The following PRPF8 variants were observed in gnomAD, a reference collection of about 807,000 sequenced individuals.
PRPF8 encodes pre-mRNA processing factor 8, also known as pre-mRNA-processing-splicing factor 8.
A neutral mutation model predicts 285.9 loss-of-function variants in PRPF8; 64 were observed. That is an observed-to-expected ratio of 0.22 (90% CI 0.18 to 0.28). The LOEUF is 0.28. Ranked by LOEUF, PRPF8 falls within the 10% of genes least tolerant of loss-of-function variation. The probability of loss-of-function intolerance (pLI) is 1.00; values close to 1 mark genes in which losing one functional copy is unlikely to be tolerated. For missense variants in PRPF8, 1,426 were observed against 3,026.7 expected (o/e 0.47, Z 12.41); for synonymous variants, 1,325 against 1,118.2 (o/e 1.18, Z -3.69).
At chr17:1,677,406 C>A in intron 14 of PRPF8, 159 bp downstream of exon 14, 1 of 1,172,236 alleles carries the variant, frequency 8.5e-7, no homozygotes. Flanking sequence ...CAGAAGGAAG[C>A]CCAAGAAATA....
intron 24 of PRPF8, among the ~76,000 whole-genome samples, chr17:1,666,316 AG>A (rs933914955): frequency 2.6e-5 from 4 of 152,154 alleles, no homozygotes; most frequent in Non-Finnish European, 4.4e-5. Context: ...TTGGGAGCCC[AG>A]GGGGGTGGAT....
At chr17:1,674,717 C>T in intron 20 of PRPF8, 37 bp from the exon 21 acceptor site, 4 of 1,589,504 alleles carry the variant, frequency 2.5e-6, no homozygotes, top group Non-Finnish European at 3.5e-6. Context: ...AGAATGTGAG[C>T]CATGCCCCAG....
In PRPF8 at chr17:1,679,352, G is replaced by A; in HGVS notation, c.1348C>T (p.Leu450=). 2 of 1,614,038 alleles carry A rather than the reference G, an allele frequency of 1.2e-6. No homozygotes were observed. Among genetic ancestry groups the A allele is most frequent in the Non-Finnish European group, 1.7e-6 (2 of 1,180,030 alleles). ...GCATTCAGCACATAGTACTTAAGCA[G>A]CTTCTGGTAGGAGACCCTCACTTTC... ...PVKVRVSYQK[L]LKYYVLNALK... is the part of the protein sequence containing the mutation. The change falls in exon 10 of 43, where the codon CTG becomes TTG. Residue 450 remains leucine, a synonymous_variant. Coordinates refer to ENST00000304992, the MANE Select transcript of PRPF8 (RefSeq NM_006445.4). This position sits in a 1 kb window ranked among gnomAD's most constrained non-coding sequence, Gnocchi z 4.7.
chr17:1,659,162 A>T lies in PRPF8; in HGVS notation c.5138+195T>A. 1.4e-6 allele frequency: 1 copy of T among 691,434 alleles called. No individual in the cohort carries two copies. The highest frequency in any genetic ancestry group is 1.6e-5 in the South Asian group (1 of 62,350). The allele number at this position is 691,434 out of a possible 1,614,324, so 42.8% of individuals were successfully genotyped here. ...CACCTCAACCTTCTGAGTAGCTGGG[A>T]CTACAGGCGTGGACCACCACGCCCA... On this transcript the variant is annotated intron_variant, in intron 32 of 42. Transcript: ENST00000304992. The surrounding 1 kb of genome is among the most constrained non-coding windows in gnomAD (Gnocchi z 5.1).
At chr17:1,654,933 G>A (rs1050459815) in intron 37 of PRPF8, 1 of 219,460 alleles carries the variant, frequency 4.6e-6, no homozygotes, top group Non-Finnish European at 9.1e-6. Context: ...GCCTGGCTAA[G>A]ACAAGATAAT....
chr17:1,658,274 C>T lies in PRPF8; in HGVS notation c.5484G>A (p.Ala1828=), dbSNP rs1218197105. Residue 1828 remains alanine, a synonymous_variant, in exon 34 of 43, where the codon GCG becomes GCA. Coordinates refer to ENST00000304992, the MANE Select transcript of PRPF8 (RefSeq NM_006445.4). This position sits in a 1 kb window ranked among gnomAD's most constrained non-coding sequence, Gnocchi z 4.1. ...FLKIIHTSVW[A]GQKRLGQLAK... ...TCACCTGCCCCAAACGCTTCTGTCCCGCCCACACGGACGTGTGGATTATCT... is the reference window on the plus strand; with the variant it reads ...TCACCTGCCCCAAACGCTTCTGTCCTGCCCACACGGACGTGTGGATTATCT... 11 of 1,614,080 alleles carry T rather than the reference C, an allele frequency of 6.8e-6. No homozygotes were observed. Among genetic ancestry groups the T allele is most frequent in the East Asian group, 4.5e-5 (2 of 44,902 alleles).
Position 1,656,830 on chromosome 17 carries a change from C to G in PRPF8, c.5506-69G>C, listed in dbSNP as rs1440301486. Reference sequence around the variant, plus strand: ...TCCCAGATCAACTAGAACAGAATATCCTAGTTTTGAAATAATCCAACTACG... The same window carrying G: ...TCCCAGATCAACTAGAACAGAATATGCTAGTTTTGAAATAATCCAACTACG... On this transcript the variant is annotated intron_variant, in intron 34 of 42. Coordinates refer to ENST00000304992, the MANE Select transcript of PRPF8 (RefSeq NM_006445.4). The G allele has an allele frequency of 2.3e-6, 3 of 1,326,096 alleles. No individual in the cohort carries two copies. The East Asian group carries it at 7.3e-5, about 32-fold the overall frequency. 82.1% of individuals were successfully genotyped at this position (1,326,096 alleles called of 1,614,324 possible).
intron 14 of PRPF8, 149 bp from the exon 15 acceptor site, chr17:1,677,321 G>A: frequency 1.0e-6 from 1 of 992,240 alleles, no homozygotes; most frequent in Admixed American, 1.9e-5. Flanking sequence ...AAAAAGACGA[G>A]CTACCTTAAA....
intron 37 of PRPF8, 111 bp from the exon 38 acceptor site, chr17:1,654,127 G>A (rs983654305): frequency 9.3e-6 from 14 of 1,506,434 alleles, no homozygotes; most frequent in Non-Finnish European, 1.3e-5. Flanking sequence ...TCACGCCCCA[G>A]ACAATCCACA....
Position 1,679,939 on chromosome 17 carries a change from G to T in PRPF8, c.1099-140C>A. On this transcript the variant is annotated intron_variant, in intron 8 of 42. Coordinates refer to ENST00000304992, the MANE Select transcript of PRPF8 (RefSeq NM_006445.4). The surrounding 1 kb of genome is among the most constrained non-coding windows in gnomAD (Gnocchi z 4.7). Reference sequence around the variant, plus strand: ...TGTCTGACAAAAGCAGCCCTGAAGTGCCAGCACAAAGGAAACCAAGACAGC... The same window carrying T: ...TGTCTGACAAAAGCAGCCCTGAAGTTCCAGCACAAAGGAAACCAAGACAGC... The T allele has an allele frequency of 2.0e-6, 2 of 1,004,600 alleles. No homozygotes were observed. Among genetic ancestry groups the T allele is most frequent in the Non-Finnish European group, 1.6e-6 (1 of 639,024 alleles). 62.2% of individuals were successfully genotyped at this position (1,004,600 alleles called of 1,614,324 possible).
chr17:1,683,646 C>T lies in PRPF8; in HGVS notation c.156G>A (p.Gly52=), dbSNP rs1291613363. Residue 52 remains glycine (G), a synonymous_variant, in exon 3 of 43, where the codon GGG becomes GGA. Transcript: ENST00000304992. ...TGTCTTCCTTCTGGGCATCCACAAACCCAAACTTCCGCTTTTCTGCATAGC... is the reference window on the plus strand; with the variant it reads ...TGTCTTCCTTCTGGGCATCCACAAATCCAAACTTCCGCTTTTCTGCATAGC... The part of the protein sequence containing the change: ...AKRYAEKRKF[G]FVDAQKEDMP... 1 of 1,614,052 alleles carries T rather than the reference C, an allele frequency of 6.2e-7. No individual in the cohort carries two copies. The highest frequency in any genetic ancestry group is 1.3e-5 in the African/African-American group (1 of 74,894).
At position 1,660,983 on chromosome 17, in the gene PRPF8, G is replaced by A; in HGVS notation, c.4508+10C>T. 1 of 1,613,662 alleles carries A rather than the reference G, an allele frequency of 6.2e-7. No individual in the cohort carries two copies. On this transcript the variant is annotated intron_variant, in intron 28 of 42. Coordinates refer to ENST00000304992, the MANE Select transcript of PRPF8 (RefSeq NM_006445.4). ...TGTGACAGGTCCCTCTAAGAGAGGA[G>A]AATCCTCACCAGAAAAGCCCCTCCC...
At chr17:1,669,620 A>G (rs1405306311) in intron 24 of PRPF8, among the ~76,000 whole-genome samples, 1 of 152,168 alleles carries the variant, frequency 6.6e-6, no homozygotes, top group Non-Finnish European at 1.5e-5. Context: ...TCTGGCTTCC[A>G]TCCCTACTAT....
At chr17:1,677,486 A>G in intron 14 of PRPF8, 79 bp downstream of exon 14, 1 of 1,599,246 alleles carries the variant, frequency 6.3e-7, no homozygotes, top group South Asian at 1.1e-5. Flanking sequence ...CTCATACAAG[A>G]GCAGGGAACA....
Position 1,676,864 on chromosome 17 carries a change from A to G in PRPF8, c.2181+112T>C, listed in dbSNP as rs1597246043. The G allele has an allele frequency of 4.7e-6, 7 of 1,503,354 alleles. No individual in the cohort carries two copies. Among genetic ancestry groups the G allele is most frequent in the Non-Finnish European group, 6.4e-6 (7 of 1,090,870 alleles). The allele number at this position is 1,503,354 out of a possible 1,614,324, so 93.1% of individuals were successfully genotyped here. A position where few individuals can be genotyped will look rare whatever the true frequency, so the allele number is the denominator to read the frequency against. On this transcript the variant is annotated intron_variant, in intron 15 of 42. Transcript: ENST00000304992. The surrounding 1 kb of genome is among the most constrained non-coding windows in gnomAD (Gnocchi z 6.3). The stretch of plus-strand genomic sequence containing the variant: ...ACATGGTGCTTCTTTTCCCTGTCTA[A>G]AAGGGAAAAGAAAAGAGATTGGAGC...
At chr17:1,670,164 A>C (rs1344164667) in intron 24 of PRPF8, among the ~76,000 whole-genome samples, 1 of 152,168 alleles carries the variant, frequency 6.6e-6, no homozygotes, top group Non-Finnish European at 1.5e-5. Context: ...TATGTACTTA[A>C]ATATGTATCT....
chr17:1,676,796 A>C lies in PRPF8; in HGVS notation c.2182-85T>G. 6.5e-7 allele frequency: 1 copy of C among 1,533,964 alleles called. No individual in the cohort carries two copies. On this transcript the variant is annotated intron_variant, in intron 15 of 42. Transcript: ENST00000304992. The surrounding 1 kb of genome is among the most constrained non-coding windows in gnomAD (Gnocchi z 6.3). The stretch of plus-strand genomic sequence containing the variant: ...GTAGTCCCGGCTACTCAGGAGGCTA[A>C]GGAGGATCGCTTGAGCTCAGGAGCT...
In PRPF8 at chr17:1,651,489, T is replaced by C; in HGVS notation, c.6575A>G (p.Asp2192Gly). The change falls in exon 41 of 43, where the codon GAT (aspartate) becomes GGT (glycine). Residue 2192 changes from aspartate to glycine, a missense_variant. Asp to Gly is a moderately conservative substitution (Grantham distance 94, BLOSUM62 -1). Transcript: ENST00000304992. This position sits in a 1 kb window ranked among gnomAD's most constrained non-coding sequence, Gnocchi z 5.1. ...PNESPQLSPQ[D>G]VTTHAKIMAD... ...CATGATCTTGGCATGGGTGGTGACA[T>C]CCTGGGGTGATAACTGCGGGGACTC... is the stretch of plus-strand genomic sequence containing the variant. The C allele has an allele frequency of 6.2e-7, 1 of 1,614,116 alleles. No individual in the cohort carries two copies. Among genetic ancestry groups the C allele is most frequent in the Non-Finnish European group, 8.5e-7 (1 of 1,180,010 alleles).
rs756762367 is a variant in PRPF8 at position 1,655,418 on chromosome 17, G to C, written c.5919C>G (p.Asp1973Glu). ...GCACCTCGACCTTGATCCATTCTTC[G>C]TCAGTCAGAGTGGGCCAGATGTGGT... ...EPHHIWPTLT[D>E]EEWIKVEVQL... The change falls in exon 37 of 43, where the codon GAC (aspartate) becomes GAG (glutamate). Residue 1973 changes from aspartate to glutamate, a missense_variant. Around this residue, in one of 34 missense-constraint regions of PRPF8, gnomAD observed 35 missense variants for 47.7 expected, o/e 0.73. Transcript: ENST00000304992. 3.7e-6 allele frequency: 6 copies of C among 1,613,952 alleles called. No homozygotes were observed. The highest frequency in any genetic ancestry group is 3.4e-6 in the Non-Finnish European group (4 of 1,180,012).
Sources: allele counts gnomAD v4.1 joint callset (sites outside exome capture counted in the v4.1 genomes callset), GRCh38; gene constraint gnomAD v4.1.1; regional missense constraint gnomAD v4.1.1; non-coding constraint Gnocchi (gnomAD v3.1); transcripts MANE v1.5; gene names NCBI Gene and HGNC (gene_info 2026-07-23, HGNC 2026-07-21).